Variants in JAKMIP1 observed in about 807,000 individuals in gnomAD.
JAKMIP1 encodes the protein janus kinase and microtubule interacting protein 1.
In JAKMIP1, 33 loss-of-function variants were observed where a neutral mutation model predicts 113.0. That is an observed-to-expected ratio of 0.29 (90% CI 0.22 to 0.39). The LOEUF (loss-of-function observed/expected upper bound fraction) is 0.39. Ranked by LOEUF, JAKMIP1 falls within the 10% of genes least tolerant of loss-of-function variation. JAKMIP1 has a pLI of 1.00. For synonymous variants in JAKMIP1, 480 were observed against 459.9 expected, an observed-to-expected ratio of 1.04 and a Z score of -0.56; for missense variants, 813 against 1,080.5, an observed-to-expected ratio of 0.75 and a Z score of 3.47.
intron 1 of JAKMIP1, among the ~76,000 whole-genome samples, chr4:6,172,960 G>C (rs904778356): frequency 3.3e-5 from 5 of 152,222 alleles, no homozygotes; most frequent in Non-Finnish European, 5.9e-5. Flanking sequence ...GGTGAGGTTG[G>C]AGCTGAGAGC....
In JAKMIP1 at chr4:6,163,682, T is replaced by C. The variant is rs150473597; in HGVS notation, c.-148+36571A>G. The stretch of plus-strand genomic sequence containing the variant: ...TGAGATAAGGTGAAAGCTAGGCCTC[T>C]TGCACCAGTTAGCCAAGTTGTGAAT... On this transcript the variant is annotated intron_variant, in intron 1 of 20. Transcript: ENST00000409021. 9.7e-3 allele frequency among the ~76,000 whole-genome samples: 1,484 copies of C among 152,340 alleles called. 18 individuals carry two copies. The highest frequency in any genetic ancestry group is 0.034 in the African/African-American group (1,412 of 41,586).
intron 2 of JAKMIP1, among the ~76,000 whole-genome samples, chr4:6,107,974 C>T (rs776303026): frequency 5.3e-5 from 8 of 152,096 alleles, no homozygotes; most frequent in Non-Finnish European, 7.4e-5. Flanking sequence ...GGTGGGCAGC[C>T]TCGTGTGAGA....
intron 19 of JAKMIP1, 67 bp from the exon 20 acceptor site, chr4:6,029,848 T>G: frequency 8.8e-7 from 1 of 1,131,470 alleles, no homozygotes; most frequent in East Asian, 2.6e-5. Context: ...TGTTTTTATT[T>G]TTTATTGTGG....
At chr4:6,101,256 G>A (rs951885690) in intron 3 of JAKMIP1, among the ~76,000 whole-genome samples, 8 of 152,060 alleles carry the variant, frequency 5.3e-5, no homozygotes, top group African/African-American at 1.9e-4. Flanking sequence ...TCTATATACA[G>A]AGAGTGTGTG....
rs1725689701 is a variant in JAKMIP1 at position 6,178,767 on chromosome 4, A to G, written c.-148+21486T>C. On this transcript the variant is annotated intron_variant, in intron 1 of 20. Coordinates refer to ENST00000409021, the MANE Select transcript of JAKMIP1 (RefSeq NM_001099433.2). This position sits in a 1 kb window ranked among gnomAD's most constrained non-coding sequence, Gnocchi z 5.5. ...AGGACAGACTAATATACCCTACCAA[A>G]TTCTCTAGGTCATGTCTCCAGAGAG... Among the ~76,000 whole-genome samples the G allele has an allele frequency of 6.6e-6, 1 of 152,146 alleles. No homozygotes were observed. Among genetic ancestry groups the G allele is most frequent in the African/African-American group, 2.4e-5 (1 of 41,430 alleles).
intron 1 of JAKMIP1, among the ~76,000 whole-genome samples, chr4:6,196,435 T>C (rs1244195954): frequency 2.0e-5 from 3 of 152,200 alleles, no homozygotes; most frequent in Non-Finnish European, 4.4e-5. Context: ...TCTGAAGGCA[T>C]CCAGGGCTAG....
At chr4:6,160,783 G>A (rs1056468638) in intron 1 of JAKMIP1, among the ~76,000 whole-genome samples, 2 of 152,010 alleles carry the variant, frequency 1.3e-5, no homozygotes, top group Non-Finnish European at 2.9e-5. Flanking sequence ...TTTCCTGCGC[G>A]GGGGCTTCAG....
intron 1 of JAKMIP1, among the ~76,000 whole-genome samples, chr4:6,118,136 A>G (rs2108902217): frequency 6.6e-6 from 1 of 152,372 alleles, no homozygotes; most frequent in African/African-American, 2.4e-5. Context: ...ATTTATGTTT[A>G]GAGACTGCAG....
At position 6,051,921 on chromosome 4, in the gene JAKMIP1, T is replaced by C. The variant is rs1355285591; in HGVS notation, c.1807-1242A>G. Among the ~76,000 whole-genome samples the C allele has an allele frequency of 6.6e-6, 1 of 152,164 alleles. No individual in the cohort carries two copies. The highest frequency in any genetic ancestry group is 2.4e-5 in the African/African-American group (1 of 41,436). ...ATTACACCTTTAAATCAAACTGCTT[T>C]AGTTTGAGCAGAGTTACGGTAAGGT... On this transcript the variant is annotated intron_variant, in intron 13 of 20. Transcript: ENST00000409021. The surrounding 1 kb of genome is among the most constrained non-coding windows in gnomAD (Gnocchi z 5.0).
At position 6,154,949 on chromosome 4, in the gene JAKMIP1, T is replaced by A. The variant is rs1722050763; in HGVS notation, c.-147-41952A>T. On this transcript the variant is annotated intron_variant, in intron 1 of 20. Transcript: ENST00000409021. The surrounding 1 kb of genome is among the most constrained non-coding windows in gnomAD (Gnocchi z 4.2). ...AGAGCACGCAGGGAAAGGTGCGGGGTAGGGTGGGGGGTCTTAGCTGGGGTG... is the reference window on the plus strand; with the variant it reads ...AGAGCACGCAGGGAAAGGTGCGGGGAAGGGTGGGGGGTCTTAGCTGGGGTG... Among the ~76,000 whole-genome samples the A allele has an allele frequency of 6.6e-6, 1 of 151,478 alleles. No homozygotes were observed. The highest frequency in any genetic ancestry group is 2.4e-5 in the African/African-American group (1 of 41,158).
At chr4:6,098,664 AAGAGAG>A (rs141010001) in intron 3 of JAKMIP1, among the ~76,000 whole-genome samples, 266 of 126,292 alleles carry the variant, frequency 2.1e-3, no homozygotes, top group African/African-American at 8.2e-3. Flanking sequence ...GAAAGGAAGA[AAGAGAG>A]AGAAAGAAAG....
Position 6,094,750 on chromosome 4 carries a change from T to C in JAKMIP1, c.625-9121A>G, listed in dbSNP as rs908071864. 7.2e-5 allele frequency among the ~76,000 whole-genome samples: 11 copies of C among 152,120 alleles called. No individual in the cohort carries two copies. Among genetic ancestry groups the C allele is most frequent in the South Asian group, 4.1e-4 (2 of 4,824 alleles). On this transcript the variant is annotated intron_variant, in intron 3 of 20. Coordinates refer to ENST00000409021, the MANE Select transcript of JAKMIP1 (RefSeq NM_001099433.2). The surrounding 1 kb of genome is among the most constrained non-coding windows in gnomAD (Gnocchi z 4.2). ...GGCTCACGCCTATAATCCCAGCACT[T>C]TGGGAGGCAGAGGCAGGACATTTGC... is the stretch of plus-strand genomic sequence containing the variant.
At chr4:6,152,339 T>C (rs551760975) in intron 1 of JAKMIP1, among the ~76,000 whole-genome samples, 2 of 152,298 alleles carry the variant, frequency 1.3e-5, no homozygotes, top group East Asian at 1.9e-4. Flanking sequence ...TCTTCCTCTT[T>C]GGTGGAGGCT....
rs1222323714 is a variant in JAKMIP1, at chr4:6,193,394, A to G, written c.-148+6859T>C. On this transcript the variant is annotated intron_variant, in intron 1 of 20. Coordinates refer to ENST00000409021, the MANE Select transcript of JAKMIP1 (RefSeq NM_001099433.2). The surrounding 1 kb of genome is among the most constrained non-coding windows in gnomAD (Gnocchi z 6.4). The stretch of plus-strand genomic sequence containing the variant: ...TTCTCCTTAATAAACTCCTTTTCAT[A>G]TACACATATATCCGATTAGTTCTGT... 6.6e-6 allele frequency among the ~76,000 whole-genome samples: 1 copy of G among 152,180 alleles called. No homozygotes were observed. The highest frequency in any genetic ancestry group is 1.5e-5 in the Non-Finnish European group (1 of 68,036).
At chr4:6,113,561 G>A (rs1231281219) in intron 1 of JAKMIP1, among the ~76,000 whole-genome samples, 1 of 152,194 alleles carries the variant, frequency 6.6e-6, no homozygotes, top group Non-Finnish European at 1.5e-5. Flanking sequence ...ATCACCCAGT[G>A]TTACAGATGA....
chr4:6,137,539 T>C lies in JAKMIP1; in HGVS notation c.-147-24542A>G, dbSNP rs970258791. 6.6e-6 allele frequency among the ~76,000 whole-genome samples: 1 copy of C among 152,200 alleles called. No individual in the cohort carries two copies. Among genetic ancestry groups the C allele is most frequent in the African/African-American group, 2.4e-5 (1 of 41,448 alleles). On this transcript the variant is annotated intron_variant, in intron 1 of 20. Coordinates refer to ENST00000409021, the MANE Select transcript of JAKMIP1 (RefSeq NM_001099433.2). The surrounding 1 kb of genome is among the most constrained non-coding windows in gnomAD (Gnocchi z 4.5). ...TGCTCAGGGAAATCAGGAGCTGTGA[T>C]TTGGTTGAACGTTCCAGATGGCCTC... is the stretch of plus-strand genomic sequence containing the variant.
At chr4:6,125,834 G>C (rs1717414452) in intron 1 of JAKMIP1, among the ~76,000 whole-genome samples, 1 of 56,844 alleles carries the variant, frequency 1.8e-5, no homozygotes, top group Non-Finnish European at 3.0e-5. Context: ...ACACCATGCA[G>C]AAACACACAC....
At chr4:6,063,050 G>A (rs571818253) in intron 9 of JAKMIP1, among the ~76,000 whole-genome samples, 2 of 152,244 alleles carry the variant, frequency 1.3e-5, no homozygotes, top group African/African-American at 4.8e-5. Flanking sequence ...GCTGAGGCAG[G>A]AGAATTCCTT....
In JAKMIP1 at chr4:6,048,845, G is replaced by A. The variant is rs184859089; in HGVS notation, c.2028+12C>T. 3,203 of 1,610,078 alleles carry A rather than the reference G, an allele frequency of 2.0e-3. 13 individuals are homozygous for A. The highest frequency in any genetic ancestry group is 4.3e-3 in the Middle Eastern group (26 of 6,058). ...GACAAGGTGTGAGCACAGAAATGCCGCTGGCTTCTACCTTTTCACACAGGG... is the reference window on the plus strand; with the variant it reads ...GACAAGGTGTGAGCACAGAAATGCCACTGGCTTCTACCTTTTCACACAGGG... On this transcript the variant is annotated intron_variant, in intron 16 of 20. Transcript: ENST00000409021.
Sources: gnomAD v4.1 joint callset for allele counts (sites outside exome capture counted in the v4.1 genomes callset) on GRCh38, gnomAD v4.1.1 for gene constraint, Gnocchi (gnomAD v3.1) non-coding constraint, MANE v1.5 for transcripts, NCBI Gene and HGNC (gene_info 2026-07-23, HGNC 2026-07-21) for gene names.